The following ZNF442 variants were observed in gnomAD, a reference collection of about 807,000 sequenced individuals.
The protein encoded by ZNF442 is zinc finger protein 442.
Under a neutral mutation model 57.0 loss-of-function variants are expected in ZNF442, and 45 were observed. The ratio of observed to expected loss-of-function variants is 0.79; its 90% CI spans 0.62 to 1.01. The LOEUF (loss-of-function observed/expected upper bound fraction) is 1.01, where lower values mean the gene tolerates loss of function less well. ZNF442 is among the 50% of genes least tolerant of loss of function. The pLI is 0.00. For missense variants in ZNF442, 690 were observed against 756.5 expected (o/e 0.91, Z 1.03); for synonymous variants, 213 against 241.8 (o/e 0.88, Z 1.10).
the ZNF442 span, among the ~76,000 whole-genome samples, chr19:12,372,110 A>C: frequency 6.6e-6 from 1 of 152,156 alleles, no homozygotes; most frequent in African/African-American, 2.4e-5. Context: ...AAAAACAAAC[A>C]CCACCATTAA....
chr19:12,359,995 G>C (rs1969397051), intron 3 of ZNF442, among the ~76,000 whole-genome samples: 1 of 151,808 alleles, frequency 6.6e-6, no homozygotes, highest in African/African-American at 2.4e-5. Flanking sequence ...AAAAAAATCT[G>C]ATTCTCACCC....
At chr19:12,373,278 G>A in the ZNF442 span, among the ~76,000 whole-genome samples, 30 of 152,232 alleles carry the variant, frequency 2.0e-4, no homozygotes, top group Non-Finnish European at 1.8e-4. Flanking sequence ...AGTGGCTCAC[G>A]CCTGTAATCC....
the ZNF442 span, among the ~76,000 whole-genome samples, chr19:12,371,645 C>T: frequency 6.6e-6 from 1 of 152,290 alleles, no homozygotes; most frequent in African/African-American, 2.4e-5. Flanking sequence ...TAAGGCCACA[C>T]ACCTATGACC....
intron 4 of ZNF442, 79 bp downstream of exon 4, chr19:12,352,909 T>G: frequency 6.5e-7 from 1 of 1,539,848 alleles, no homozygotes; most frequent in Non-Finnish European, 8.8e-7. Context: ...CTTTCGGTAT[T>G]TCAAATCATT....
chr19:12,352,179 C>A, intron 4 of ZNF442, 109 bp from the exon 5 acceptor site: 1 of 1,048,392 alleles, frequency 9.5e-7, no homozygotes, highest in Non-Finnish European at 1.4e-6. Context: ...TGAATTGTAG[C>A]TGACTCTTGA....
intron 3 of ZNF442, among the ~76,000 whole-genome samples, chr19:12,353,885 G>A (rs1354780109): frequency 2.0e-5 from 3 of 152,138 alleles, no homozygotes. Context: ...CCTATGAGAA[G>A]AGAAAGAGAC....
chr19:12,349,832 G>C lies in ZNF442; in HGVS notation c.1753C>G (p.Arg585Gly). The C allele has an allele frequency of 6.3e-7, 1 of 1,596,044 alleles. No individual in the cohort carries two copies. Among genetic ancestry groups the C allele is most frequent in the Non-Finnish European group, 8.5e-7 (1 of 1,171,746 alleles). The change falls in exon 6 of 6, where the codon CGT (arginine) becomes GGT (glycine). Residue 585 changes from arginine (R) to glycine (G), a missense_variant. Transcript: ENST00000242804. ...GTTTTTTCATGTCCTCGAAGGAAAC[G>C]AGAACGAGTGAAGGCTTTACCACAT... ...QQCGKAFTRSRFLRGHEKTHT... is the reference protein window; with the variant it reads ...QQCGKAFTRSGFLRGHEKTHT...
chr19:12,361,641 G>GT (rs1177520980), intron 3 of ZNF442, among the ~76,000 whole-genome samples: 1 of 151,608 alleles, frequency 6.6e-6, no homozygotes, highest in African/African-American at 2.4e-5. Context: ...TAAATGAAGG[G>GT]TTTTTTTGTT....
At chr19:12,362,904 A>G (rs1331250753) in intron 3 of ZNF442, among the ~76,000 whole-genome samples, 1 of 151,290 alleles carries the variant, frequency 6.6e-6, no homozygotes, top group Admixed American at 6.6e-5. Context: ...AAAAAATTGG[A>G]GGCTGAGGAG....
upstream of ZNF442, among the ~76,000 whole-genome samples, chr19:12,368,457 C>G (rs985838191): frequency 2.0e-5 from 3 of 152,206 alleles, no homozygotes; most frequent in Admixed American, 2.0e-4. Context: ...AATTTATGTT[C>G]TTCTGCCGTG....
chr19:12,371,543 T>A, the ZNF442 span, among the ~76,000 whole-genome samples: 1 of 152,354 alleles, frequency 6.6e-6, no homozygotes, highest in African/African-American at 2.4e-5. Context: ...TTCATTACTG[T>A]GTTGATTTAA....
upstream of ZNF442, among the ~76,000 whole-genome samples, chr19:12,368,331 T>G (rs549364957): frequency 6.6e-6 from 1 of 152,338 alleles, no homozygotes; most frequent in East Asian, 1.9e-4. Context: ...TTTTGGGAAC[T>G]AATAAATGTC....
chr19:12,357,382 C>T (rs914942624), intron 3 of ZNF442, among the ~76,000 whole-genome samples: 6 of 111,954 alleles, frequency 5.4e-5, no homozygotes, highest in African/African-American at 1.8e-4. Context: ...GACAGAGTCT[C>T]GCTCTGCCGC....
At chr19:12,356,380 C>A (rs1336199844) in intron 3 of ZNF442, among the ~76,000 whole-genome samples, 3 of 152,142 alleles carry the variant, frequency 2.0e-5, no homozygotes, top group Non-Finnish European at 4.4e-5. Flanking sequence ...GTAATTCTAG[C>A]ACTTTGGGAG....
At chr19:12,367,362 A>G (rs199865748), upstream of ZNF442, among the ~76,000 whole-genome samples, 112 of 152,180 alleles carry the variant, frequency 7.4e-4, no homozygotes, top group African/African-American at 2.6e-3. Context: ...CACATGCCTC[A>G]AAGGGCAATA....
intron 3 of ZNF442, among the ~76,000 whole-genome samples, chr19:12,363,344 A>G (rs116032383): frequency 0.047 from 7,109 of 152,136 alleles, 549 homozygotes; most frequent in African/African-American, 0.16. Context: ...GATGGGCAGC[A>G]CTGACTCGAA....
chr19:12,351,411 T>C (rs959101074), intron 5 of ZNF442, 93 bp from the exon 6 acceptor site: 5 of 1,198,576 alleles, frequency 4.2e-6, no homozygotes, highest in Middle Eastern at 2.5e-4. Flanking sequence ...TACATCATCA[T>C]GCAACGTGTA....
chr19:12,372,425 C>T, the ZNF442 span, among the ~76,000 whole-genome samples: 1 of 151,710 alleles, frequency 6.6e-6, no homozygotes, highest in Non-Finnish European at 1.5e-5. Context: ...CACCACTGCA[C>T]TCCAGCCTAG....
At chr19:12,368,453 T>C (rs547694924), upstream of ZNF442, among the ~76,000 whole-genome samples, 2 of 152,342 alleles carry the variant, frequency 1.3e-5, no homozygotes, top group East Asian at 3.9e-4. Flanking sequence ...TCACAATTTA[T>C]GTTCTTCTGC....
Sources: allele counts gnomAD v4.1 joint callset (sites outside exome capture counted in the v4.1 genomes callset), GRCh38; gene constraint gnomAD v4.1.1; transcripts MANE v1.5; gene names NCBI Gene and HGNC (gene_info 2026-07-23, HGNC 2026-07-21).